USP35: variants seen among roughly 807,000 people sequenced by gnomAD.
USP35 encodes ubiquitin specific peptidase 35, also known as ubiquitin carboxyl-terminal hydrolase 35.
In USP35, 69 loss-of-function variants were observed where a neutral mutation model predicts 83.8. The observed-to-expected ratio is 0.82, with a 90% CI of 0.68 to 1.01. The LOEUF (loss-of-function observed/expected upper bound fraction) is 1.01. Ranked by LOEUF, USP35 falls within the 50% of genes least tolerant of loss-of-function variation. The pLI, the probability that USP35 is intolerant of heterozygous loss-of-function variation, is 0.00. For missense variants in USP35, 1,503 were observed against 1,362.5 expected (o/e 1.10, Z -1.62); for synonymous variants, 714 against 589.5 (o/e 1.21, Z -3.06).
rs575662433 is a variant in USP35 at position 78,209,808 on chromosome 11, C to T, written c.1953C>T (p.Asp651=). ...AAAGGAAACACTGCATCACAGAGGA[C>T]ACCCCCCCCACCAGCCTGTACATCG... ...RRQRKHCITE[D]TPPTSLYIEG... is the part of the protein sequence containing the mutation. The change falls in exon 10 of 11, where the codon GAC becomes GAT. Residue 651 remains aspartate, a synonymous_variant. Coordinates refer to ENST00000529308, the MANE Select transcript of USP35 (RefSeq NM_020798.4). The T allele has an allele frequency of 3.6e-4, 575 of 1,613,534 alleles. 10 individuals carry two copies. In the South Asian group the frequency reaches 5.9e-3, roughly 16 times the overall value.
the USP35 span, chr11:78,227,056 AAGAG>A: frequency 6.3e-7 from 1 of 1,580,550 alleles, no homozygotes. Flanking sequence ...GCACTCCTAA[AAGAG>A]AAAGAAGGGA....
At chr11:78,223,332 G>T in the USP35 span, 1 of 1,216,144 alleles carries the variant, frequency 8.2e-7, no homozygotes, top group Non-Finnish European at 1.1e-6. Context: ...CTCAAGTCCA[G>T]GATCCACATG....
At chr11:78,198,183 C>G (rs1448786208) in intron 3 of USP35, 115 bp downstream of exon 3, 1 of 1,470,488 alleles carries the variant, frequency 6.8e-7, no homozygotes, top group Non-Finnish European at 9.2e-7. Flanking sequence ...AGGGCCCAGG[C>G]CCTCATGTGT....
the USP35 span, among the ~76,000 whole-genome samples, chr11:78,222,953 C>T: frequency 1.3e-5 from 2 of 152,156 alleles, no homozygotes; most frequent in Non-Finnish European, 2.9e-5. Flanking sequence ...CTGGCCAGGT[C>T]GGTGCAAGCC....
chr11:78,222,433 T>C, the USP35 span, among the ~76,000 whole-genome samples: 1 of 151,782 alleles, frequency 6.6e-6, no homozygotes, highest in African/African-American at 2.4e-5. Flanking sequence ...AATTATATTT[T>C]CAGAATCAAA....
At chr11:78,228,766 A>G in the USP35 span, among the ~76,000 whole-genome samples, 1 of 150,740 alleles carries the variant, frequency 6.6e-6, no homozygotes, top group Non-Finnish European at 1.5e-5. Context: ...AACCAAGCCA[A>G]CAGCCATGGG....
chr11:78,227,007 CTCA>C, the USP35 span: 1 of 1,613,428 alleles, frequency 6.2e-7, no homozygotes, highest in Non-Finnish European at 8.5e-7. Context: ...TGTGTCACTC[CTCA>C]TGAGAAAAGA....
the USP35 span, among the ~76,000 whole-genome samples, chr11:78,227,285 C>T: frequency 6.6e-6 from 1 of 152,156 alleles, no homozygotes; most frequent in African/African-American, 2.4e-5. Flanking sequence ...ACCCCCACTC[C>T]CTGAACAAGT....
the USP35 span, among the ~76,000 whole-genome samples, chr11:78,222,640 C>T: frequency 1.7e-4 from 26 of 151,736 alleles, no homozygotes; most frequent in African/African-American, 5.6e-4. Context: ...TGGAGTGCAG[C>T]GGCGCAATCT....
chr11:78,233,710 G>A, the USP35 span, among the ~76,000 whole-genome samples: 2 of 152,132 alleles, frequency 1.3e-5, no homozygotes, highest in African/African-American at 4.8e-5. Context: ...GGGTTCAAGC[G>A]ATTCTCCAGC....
At position 78,196,359 on chromosome 11, in the gene USP35, CCTGGCGCTG is replaced by C. The variant is rs1258283011; in HGVS notation, c.124_132del (p.Leu42_Leu44del). 9.1e-6 allele frequency: 14 copies of C among 1,542,626 alleles called. No homozygotes were observed. The highest frequency in any genetic ancestry group is 7.6e-5 in the East Asian group (3 of 39,566). On this transcript the variant is annotated inframe_deletion, in exon 2 of 11. Coordinates refer to ENST00000529308, the MANE Select transcript of USP35 (RefSeq NM_020798.4). This position sits in a 1 kb window ranked among gnomAD's most constrained non-coding sequence, Gnocchi z 4.8. ...GGCAGCCGCTGGAGCGTGAGCAGTG[CCTGGCGCTG>C]CTGGCGCTGGGCGCGCGCCTCTACG...
intron 1 of USP35, among the ~76,000 whole-genome samples, chr11:78,194,633 A>G (rs915500009): frequency 1.3e-5 from 2 of 152,186 alleles, no homozygotes; most frequent in South Asian, 2.1e-4. Flanking sequence ...AGAGGGCTCA[A>G]AGTGGGTTGG....
chr11:78,220,080 G>A (rs918195156), downstream of USP35, among the ~76,000 whole-genome samples: 4 of 152,266 alleles, frequency 2.6e-5, no homozygotes, highest in African/African-American at 7.2e-5. Flanking sequence ...TCTACAACAC[G>A]GGGGATGGGC....
At chr11:78,208,993 C>T in intron 9 of USP35, 30 bp downstream of exon 9, 1 of 1,608,222 alleles carries the variant, frequency 6.2e-7, no homozygotes. Context: ...GCGAAGACTC[C>T]AGGTCTAGAG....
chr11:78,234,699 T>G, the USP35 span, among the ~76,000 whole-genome samples: 6 of 151,608 alleles, frequency 4.0e-5, no homozygotes, highest in Admixed American at 3.3e-4. Context: ...ATCTACAGGT[T>G]TTTGTCCTTT....
Position 78,213,984 on chromosome 11 carries a change from A to C in USP35, c.*171A>C, listed in dbSNP as rs1863935928. On this transcript the variant is annotated 3_prime_UTR_variant, in exon 11 of 11. Coordinates refer to ENST00000529308, the MANE Select transcript of USP35 (RefSeq NM_020798.4). ...CTCTCAGATATGGAAGTAAGACCTAAGTCCCTTTCATTGGGGATCAGTCCC... is the reference window on the plus strand; with the variant it reads ...CTCTCAGATATGGAAGTAAGACCTACGTCCCTTTCATTGGGGATCAGTCCC... 1 of 694,670 alleles carries C rather than the reference A, an allele frequency of 1.4e-6. No homozygotes were observed. Among genetic ancestry groups the C allele is most frequent in the African/African-American group, 1.9e-5 (1 of 52,718 alleles). The allele number at this position is 694,670 out of a possible 1,614,324, so 43.0% of individuals were successfully genotyped here.
chr11:78,210,000 A>G lies in USP35; in HGVS notation c.2145A>G (p.Glu715=). ...EREKEEEVEE[E]EEKVEKETEK... ...AGAAAGAGGAGGAGGTGGAAGAGGA[A>G]GAAGAGAAGGTGGAGAAGGAGACAG... The change falls in exon 10 of 11, where the codon GAA becomes GAG. Residue 715 remains glutamate (E), a synonymous_variant. Transcript: ENST00000529308. The G allele has an allele frequency of 6.2e-7, 1 of 1,613,510 alleles. No homozygotes were observed. Among genetic ancestry groups the G allele is most frequent in the African/African-American group, 1.3e-5 (1 of 74,964 alleles).
rs957695881 is a variant in USP35, at chr11:78,209,585, G to A, written c.1730G>A (p.Arg577Gln). The change falls in exon 10 of 11, where the codon CGG becomes CAG. Residue 577 changes from arginine to glutamine, a missense_variant. By Grantham distance (43) the Arg-to-Gln change is conservative (BLOSUM62 1). Transcript: ENST00000529308. ...ATGTTTGGAGGCAAGATAGTGACTCGGATCTGCTGTCTCTGCTGCCTCAAC... is the reference window on the plus strand; with the variant it reads ...ATGTTTGGAGGCAAGATAGTGACTCAGATCTGCTGTCTCTGCTGCCTCAAC... Reference protein sequence around the residue: ...EKMFGGKIVTRICCLCCLNVS... With the variant: ...EKMFGGKIVTQICCLCCLNVS... The A allele has an allele frequency of 1.9e-6, 3 of 1,613,984 alleles. No homozygotes were observed. The highest frequency in any genetic ancestry group is 1.3e-5 in the African/African-American group (1 of 74,898).
chr11:78,196,933 G>C lies in USP35; in HGVS notation c.673+15G>C. The C allele has an allele frequency of 1.4e-6, 2 of 1,438,362 alleles. No individual in the cohort carries two copies. The highest frequency in any genetic ancestry group is 1.5e-5 in the South Asian group (1 of 68,092). The allele number at this position is 1,438,362 out of a possible 1,614,324, so 89.1% of individuals were successfully genotyped here. A position where few individuals can be genotyped will look rare whatever the true frequency, so the allele number is the denominator to read the frequency against. ...CTCCTGCGCAGGTGCGTGTGCGGCC[G>C]GGGCAGGAGCGCGGGCATGCGGAGG... On this transcript the variant is annotated intron_variant, in intron 2 of 10. Transcript: ENST00000529308. This position sits in a 1 kb window ranked among gnomAD's most constrained non-coding sequence, Gnocchi z 4.8.
Sources: allele counts gnomAD v4.1 joint callset (sites outside exome capture counted in the v4.1 genomes callset), GRCh38; gene constraint gnomAD v4.1.1; non-coding constraint Gnocchi (gnomAD v3.1); transcripts MANE v1.5; gene names NCBI Gene and HGNC (gene_info 2026-07-23, HGNC 2026-07-21).